The following ZRANB3 variants were observed in gnomAD, a reference collection of about 807,000 sequenced individuals.
ZRANB3 encodes the protein DNA annealing helicase and endonuclease ZRANB3.
Under a neutral mutation model 133.8 loss-of-function variants are expected in ZRANB3, and 125 were observed. That is an observed-to-expected ratio of 0.93 (90% CI 0.81 to 1.08). The LOEUF (loss-of-function observed/expected upper bound fraction) is 1.08, where lower values mean the gene tolerates loss of function less well. ZRANB3 is among the 50% of genes least tolerant of loss of function. The pLI is 0.00. For synonymous variants in ZRANB3, 387 were observed against 432.7 expected (o/e 0.89, Z 1.31); for missense variants, 1,229 against 1,275.5 (o/e 0.96, Z 0.56).
chr2:135,243,889 G>C lies in ZRANB3; in HGVS notation c.1540-12962C>G, dbSNP rs536366091. ...TCTGCCTTAGCCTCCCAAAGTGCTG[G>C]AATTAAAAGCATGAGCCACCATGCC... On this transcript the variant is annotated intron_variant, in intron 12 of 20. Coordinates refer to ENST00000264159, the MANE Select transcript of ZRANB3 (RefSeq NM_032143.4). Among the ~76,000 whole-genome samples, 4 of 151,816 alleles carry C rather than the reference G, an allele frequency of 2.6e-5. No homozygotes were observed. The South Asian group carries it at 8.3e-4, about 32-fold the overall frequency.
intron 16 of ZRANB3, among the ~76,000 whole-genome samples, chr2:135,218,423 T>A (rs1308684825): frequency 6.6e-6 from 1 of 152,136 alleles, no homozygotes; most frequent in Non-Finnish European, 1.5e-5. Flanking sequence ...GAATCAGGGT[T>A]AGATGATTCC....
chr2:135,472,497 CAAAAAAAAAAA>C (rs35241215), intron 2 of ZRANB3, among the ~76,000 whole-genome samples: 4 of 62,002 alleles, frequency 6.5e-5, no homozygotes, highest in African/African-American at 2.0e-4. Flanking sequence ...GACTCGGTCT[CAAAAAAAAAAA>C]AAAAAAAAAA....
chr2:135,369,576 CT>C (rs72320452), intron 3 of ZRANB3, among the ~76,000 whole-genome samples: 46,772 of 151,854 alleles, frequency 0.31, 11,213 homozygotes, highest in African/African-American at 0.66. Context: ...CAATCTTACA[CT>C]TGTTTTTTTA....
intron 2 of ZRANB3, among the ~76,000 whole-genome samples, chr2:135,404,914 A>C (rs1440456248): frequency 6.6e-6 from 1 of 152,222 alleles, no homozygotes; most frequent in Non-Finnish European, 1.5e-5. Flanking sequence ...GCATCAACTA[A>C]TGAGCAAAAT....
chr2:135,447,468 CTA>C (rs1690074269), intron 2 of ZRANB3, among the ~76,000 whole-genome samples: 1 of 152,138 alleles, frequency 6.6e-6, no homozygotes, highest in Non-Finnish European at 1.5e-5. Context: ...TCAGCATTCT[CTA>C]TGTTTCTCAG....
intron 14 of ZRANB3, among the ~76,000 whole-genome samples, chr2:135,227,369 C>A (rs1694794005): frequency 6.6e-6 from 1 of 152,156 alleles, no homozygotes; most frequent in African/African-American, 2.4e-5. Context: ...AAAACATTTT[C>A]TTTAAAATAC....
intron 15 of ZRANB3, 102 bp downstream of exon 15, chr2:135,224,324 A>C: frequency 1.1e-6 from 1 of 879,564 alleles, no homozygotes; most frequent in Non-Finnish European, 1.7e-6. Context: ...GAAAATAACT[A>C]GATGCTTATC....
chr2:135,288,182 T>C (rs1358746292), intron 8 of ZRANB3, among the ~76,000 whole-genome samples: 5 of 152,198 alleles, frequency 3.3e-5, no homozygotes, highest in African/African-American at 9.7e-5. Context: ...CTGCATCTAT[T>C]GAGATGATCA....
intron 2 of ZRANB3, among the ~76,000 whole-genome samples, chr2:135,466,244 G>A (rs182598412): frequency 1.7e-4 from 26 of 151,942 alleles, no homozygotes; most frequent in African/African-American, 5.1e-4. Flanking sequence ...TTAGCTGGGC[G>A]TGGTGGTGCA....
chr2:135,388,463 C>T (rs1687078047), intron 3 of ZRANB3, among the ~76,000 whole-genome samples: 1 of 150,702 alleles, frequency 6.6e-6, no homozygotes. Context: ...CAATGGTGTA[C>T]CATAACTGCT....
chr2:135,504,246 G>A (rs765377714), intron 2 of ZRANB3, 83 bp downstream of exon 2: 36 of 1,536,550 alleles, frequency 2.3e-5, no homozygotes, highest in Middle Eastern at 1.7e-4. Flanking sequence ...GTGAATACAC[G>A]AAAAGAAAGT....
intron 3 of ZRANB3, among the ~76,000 whole-genome samples, chr2:135,361,937 G>A (rs1343975209): frequency 1.3e-5 from 2 of 152,092 alleles, no homozygotes; most frequent in Non-Finnish European, 2.9e-5. Context: ...AGTGGCTCAC[G>A]TCTGTAATCC....
At chr2:135,216,345 T>C (rs1247132496) in intron 17 of ZRANB3, among the ~76,000 whole-genome samples, 1 of 152,142 alleles carries the variant, frequency 6.6e-6, no homozygotes, top group Non-Finnish European at 1.5e-5. Flanking sequence ...TGATGAAATA[T>C]AAGGATGAAG....
intron 12 of ZRANB3, among the ~76,000 whole-genome samples, chr2:135,259,132 A>C (rs1679815064): frequency 6.6e-6 from 1 of 150,416 alleles, no homozygotes; most frequent in African/African-American, 2.5e-5. Flanking sequence ...CAATCCTCCC[A>C]CCTCAGACTC....
At chr2:135,338,083 G>A (rs1558926769) in intron 6 of ZRANB3, among the ~76,000 whole-genome samples, 1 of 152,136 alleles carries the variant, frequency 6.6e-6, no homozygotes, top group Non-Finnish European at 1.5e-5. Context: ...GCAATTTTAA[G>A]TTATATCTGA....
chr2:135,286,105 C>T (rs1272976830), intron 8 of ZRANB3, among the ~76,000 whole-genome samples: 1 of 151,964 alleles, frequency 6.6e-6, no homozygotes, highest in Non-Finnish European at 1.5e-5. Context: ...TTTGGGGGAA[C>T]AGGTGGTGTT....
intron 2 of ZRANB3, among the ~76,000 whole-genome samples, chr2:135,408,497 A>G (rs1688149199): frequency 6.6e-6 from 1 of 152,202 alleles, no homozygotes; most frequent in Non-Finnish European, 1.5e-5. Flanking sequence ...AGGATTATAA[A>G]TCATGCTGCT....
At chr2:135,459,272 T>C (rs1428226879) in intron 2 of ZRANB3, among the ~76,000 whole-genome samples, 4 of 152,168 alleles carry the variant, frequency 2.6e-5, no homozygotes, top group East Asian at 1.9e-4. Flanking sequence ...ACTACTCCCA[T>C]ATACATGAGA....
At chr2:135,206,289 G>C (rs1558827444) in intron 19 of ZRANB3, among the ~76,000 whole-genome samples, 1 of 151,542 alleles carries the variant, frequency 6.6e-6, no homozygotes. Context: ...GCCCAAGCTG[G>C]AGTGCAGTGG....
Sources: allele counts gnomAD v4.1 joint callset (sites outside exome capture counted in the v4.1 genomes callset), GRCh38; gene constraint gnomAD v4.1.1; transcripts MANE v1.5; gene names NCBI Gene and HGNC (gene_info 2026-07-23, HGNC 2026-07-21).